Variants in AKNA observed in about 807,000 individuals in gnomAD.
AKNA encodes AT-hook transcription factor.
Under a neutral mutation model 138.8 loss-of-function variants are expected in AKNA, and 67 were observed. The ratio of observed to expected loss-of-function variants is 0.48; its 90% CI spans 0.40 to 0.59. The LOEUF is 0.59. Ranked by LOEUF, AKNA falls within the 20% of genes least tolerant of loss-of-function variation. AKNA has a pLI of 0.00. For synonymous variants in AKNA, 737 were observed against 754.4 expected (o/e 0.98, Z 0.38); for missense variants, 1,813 against 1,880.4 (o/e 0.96, Z 0.66).
At chr9:114,331,347 C>T (rs541314632), downstream of AKNA, among the ~76,000 whole-genome samples, 37 of 152,200 alleles carry the variant, frequency 2.4e-4, no homozygotes, top group Non-Finnish European at 4.9e-4. Context: ...AAGGCCCTGA[C>T]AGCCACAGTC....
At chr9:114,383,433 C>A (rs756608514) in intron 1 of AKNA, among the ~76,000 whole-genome samples, 2 of 152,202 alleles carry the variant, frequency 1.3e-5, no homozygotes, top group East Asian at 3.9e-4. Context: ...GAGCTCCCTG[C>A]CATGGAGGGT....
intron 1 of AKNA, chr9:114,383,062 G>T (rs904155155): frequency 3.8e-5 from 17 of 450,552 alleles, no homozygotes; most frequent in Non-Finnish European, 7.6e-5. Context: ...AGCCTACCAG[G>T]GGCTTTCCTG....
intron 12 of AKNA, 81 bp downstream of exon 12, chr9:114,357,840 G>C: frequency 6.4e-7 from 1 of 1,565,604 alleles, no homozygotes; most frequent in Non-Finnish European, 8.6e-7. Context: ...ATAGCACAAG[G>C]AAAGACCCAG....
intron 4 of AKNA, among the ~76,000 whole-genome samples, chr9:114,369,981 C>T (rs1832652222): frequency 1.3e-5 from 2 of 152,208 alleles, no homozygotes; most frequent in South Asian, 2.1e-4. Flanking sequence ...GAGACAGGCC[C>T]GTGGAAAAGC....
chr9:114,363,171 GGAGT>G (rs932685128), intron 7 of AKNA, among the ~76,000 whole-genome samples: 2 of 152,260 alleles, frequency 1.3e-5, no homozygotes, highest in African/African-American at 2.4e-5. Context: ...TGAAGGTCAT[GGAGT>G]GAGTGAGTTG....
intron 16 of AKNA, among the ~76,000 whole-genome samples, 183 bp downstream of exon 16, chr9:114,347,541 T>G (rs1286813897): frequency 6.6e-6 from 1 of 151,964 alleles, no homozygotes; most frequent in Admixed American, 6.6e-5. Flanking sequence ...AACATAGAGG[T>G]TTATATATTC....
chr9:114,359,394 T>G, intron 11 of AKNA, 200 bp downstream of exon 11: 4 of 1,013,056 alleles, frequency 3.9e-6, no homozygotes, highest in Non-Finnish European at 5.6e-6. Flanking sequence ...TAATACTGCA[T>G]GTGTCCTACT....
In AKNA at chr9:114,351,583, C is replaced by T. The variant is rs987129155; in HGVS notation, c.3059-562G>A. Among the ~76,000 whole-genome samples, 9 of 150,954 alleles carry T rather than the reference C, an allele frequency of 6.0e-5. No homozygotes were observed. In the South Asian group the frequency reaches 8.4e-4, roughly 14 times the overall value. ...ATCCCAGCACTCTGGGAGGCTGAGA[C>T]GGGAGGATTGCTTGCGCCCAGAAGT... is the stretch of plus-strand genomic sequence containing the variant. On this transcript the variant is annotated intron_variant, in intron 14 of 21. Transcript: ENST00000374088.
chr9:114,355,924 C>T lies in AKNA; in HGVS notation c.3058+1G>A, dbSNP rs1831466125. The T allele has an allele frequency of 3.1e-6, 5 of 1,614,066 alleles. No individual in the cohort carries two copies. The highest frequency in any genetic ancestry group is 3.4e-6 in the Non-Finnish European group (4 of 1,180,018). On this transcript the variant is annotated splice_donor_variant, in intron 14 of 21. Transcript: ENST00000374088. LOFTEE classifies it high-confidence loss of function. ...TGTCCAAGTCAGACTCCTGCACTCA[C>T]CCATCTCGGCTGCCAGTGTCCGCTC...
rs757501765 is a variant in AKNA, at chr9:114,350,841, T to A, written c.3221+18A>T. ...GTATGATGAGCTTGAATCCCCAGGA[T>A]CCAAGTGTCTAACTTACTCTCGCCC... On this transcript the variant is annotated intron_variant, in intron 15 of 21. Transcript: ENST00000374088. 6.5e-7 allele frequency: 1 copy of A among 1,529,662 alleles called. No homozygotes were observed. Among genetic ancestry groups the A allele is most frequent in the Admixed American group, 2.1e-5 (1 of 48,240 alleles). 94.8% of individuals were successfully genotyped at this position (1,529,662 alleles called of 1,614,324 possible). A position where few individuals can be genotyped will look rare whatever the true frequency, so the allele number is the denominator to read the frequency against.
At chr9:114,361,471 A>G (rs2131928451) in intron 9 of AKNA, among the ~76,000 whole-genome samples, 1 of 152,128 alleles carries the variant, frequency 6.6e-6, no homozygotes. Context: ...TCAACTCTAC[A>G]GAAAACTCTG....
At chr9:114,396,807 C>G (rs999729274), upstream of AKNA, 2 of 152,206 alleles carry the variant, frequency 1.3e-5, no homozygotes, top group African/African-American at 2.4e-5. Context: ...TACTCCTGGT[C>G]TCCAGATCAT....
downstream of AKNA, chr9:114,331,910 T>G (rs756043261): frequency 2.5e-6 from 4 of 1,613,832 alleles, no homozygotes; most frequent in South Asian, 3.3e-5. Context: ...TCAGATGTCA[T>G]GTACACCGAC....
chr9:114,370,466 G>A (rs905414849), intron 4 of AKNA, among the ~76,000 whole-genome samples: 2 of 152,242 alleles, frequency 1.3e-5, no homozygotes, highest in African/African-American at 4.8e-5. Flanking sequence ...GGACCGATAA[G>A]GAGTTTGAAG....
chr9:114,350,606 T>G (rs1766069), intron 15 of AKNA, among the ~76,000 whole-genome samples: 26,261 of 152,020 alleles, frequency 0.17, 7,260 homozygotes, highest in African/African-American at 0.58. Flanking sequence ...AGAGAGGGCA[T>G]AAGTGTCAGC....
In AKNA at chr9:114,377,097, T is replaced by G. The variant is rs1199644456; in HGVS notation, c.710A>C (p.Glu237Ala). The change falls in exon 3 of 22, where the codon GAG (glutamate) becomes GCG (alanine). Residue 237 changes from glutamate (E) to alanine (A), a missense_variant. Transcript: ENST00000374088. The stretch of plus-strand genomic sequence containing the variant: ...GCTTAGGAGGTGGTGGCTGGGGCCC[T>G]CTGGCAAGGTTTCTGCCAGGGCAGT... ...QPTALAETLP[E>A]GPSHHLLSPD... is the part of the protein sequence containing the mutation. 1 of 1,614,134 alleles carries G rather than the reference T, an allele frequency of 6.2e-7. No individual in the cohort carries two copies. The highest frequency in any genetic ancestry group is 1.1e-5 in the South Asian group (1 of 91,090).
intron 6 of AKNA, among the ~76,000 whole-genome samples, chr9:114,366,711 G>A (rs905498698): frequency 6.7e-6 from 1 of 149,988 alleles, no homozygotes; most frequent in Non-Finnish European, 1.5e-5. Context: ...GAGGGGAGGA[G>A]AGAAGAGAAG....
chr9:114,376,993 T>C lies in AKNA; in HGVS notation c.814A>G (p.Ser272Gly). 1 of 1,614,186 alleles carries C rather than the reference T, an allele frequency of 6.2e-7. No homozygotes were observed. Among genetic ancestry groups the C allele is most frequent in the Non-Finnish European group, 8.5e-7 (1 of 1,180,014 alleles). The part of the protein sequence containing the change: ...FQDSSAPPAQ[S>G]PQHATDRWRR... ...CATCTATCTGTGGCATGCTGCGGAC[T>C]CTGGGCTGGGGGAGCTGAGGAGTCC... is the stretch of plus-strand genomic sequence containing the variant. The change falls in exon 3 of 22, where the codon AGT becomes GGT. Residue 272 changes from serine (S) to glycine (G), a missense_variant. By Grantham distance (56) the Ser-to-Gly change is moderately conservative. Transcript: ENST00000374088.
chr9:114,371,811 G>A lies in AKNA; in HGVS notation c.1416+2282C>T, dbSNP rs115095317. Among the ~76,000 whole-genome samples, 1,361 of 152,222 alleles carry A rather than the reference G, an allele frequency of 8.9e-3. 18 individuals are homozygous for A. Among genetic ancestry groups the A allele is most frequent in the African/African-American group, 0.026 (1,066 of 41,528 alleles). ...TCCCAGGTGGGTCCAGCCCTCCCCC[G>A]TGGGCTCTGAGCAGAGTGAAATGGC... is the stretch of plus-strand genomic sequence containing the variant. On this transcript the variant is annotated intron_variant, in intron 4 of 21. Transcript: ENST00000374088.
Sources: gnomAD v4.1 joint callset for allele counts (sites outside exome capture counted in the v4.1 genomes callset) on GRCh38, gnomAD v4.1.1 for gene constraint, MANE v1.5 for transcripts, NCBI Gene and HGNC (gene_info 2026-07-23, HGNC 2026-07-21) for gene names.